Variants in NF2 observed in about 807,000 individuals in gnomAD.
NF2 encodes merlin.
In NF2, 8 loss-of-function variants were observed where a neutral mutation model predicts 83.7. The observed-to-expected ratio is 0.10, with a 90% CI of 0.06 to 0.17. The LOEUF (loss-of-function observed/expected upper bound fraction) is 0.17. Ranked by LOEUF, NF2 falls within the 10% of genes least tolerant of loss-of-function variation. The pLI, the probability that NF2 is intolerant of heterozygous loss-of-function variation, is 1.00. For synonymous variants in NF2, 266 were observed against 269.6 expected (o/e 0.99, Z 0.13); for missense variants, 533 against 744.4 (o/e 0.72, Z 3.31).
Position 29,671,951 on chromosome 22 carries a change from G to T in NF2, c.1122+3G>T. Reference sequence around the variant, plus strand: ...CAACAATGGCCAACGAAGCACTGGTGATTTCTGAGGGGCTGGGGTTCCAGG... The same window carrying T: ...CAACAATGGCCAACGAAGCACTGGTTATTTCTGAGGGGCTGGGGTTCCAGG... On this transcript the variant is annotated splice_donor_region_variant and intron_variant, in intron 11 of 15. Transcript: ENST00000338641. The T allele has an allele frequency of 6.2e-7, 1 of 1,614,192 alleles. No homozygotes were observed. The highest frequency in any genetic ancestry group is 8.5e-7 in the Non-Finnish European group (1 of 1,180,034).
intron 15 of NF2, 60 bp downstream of exon 15, chr22:29,681,661 G>C (rs1209378508): frequency 8.1e-6 from 13 of 1,603,848 alleles, no homozygotes; most frequent in African/African-American, 8.0e-5. Context: ...GAAATGTGCG[G>C]TTGGCATCTG....
chr22:29,691,291 G>T (rs1327799885), intron 15 of NF2, among the ~76,000 whole-genome samples: 1 of 152,194 alleles, frequency 6.6e-6, no homozygotes, highest in East Asian at 1.9e-4. Context: ...TTCAGGGTGG[G>T]AATGGGACTC....
chr22:29,673,538 G>A (rs1478761882), intron 12 of NF2, 52 bp downstream of exon 12: 6 of 1,557,464 alleles, frequency 3.9e-6, no homozygotes, highest in Non-Finnish European at 4.4e-6. Context: ...AAGGGCCGCA[G>A]ACCAGCCTGC....
At chr22:29,641,680 C>A (rs747680816) in intron 3 of NF2, among the ~76,000 whole-genome samples, 3 of 152,184 alleles carry the variant, frequency 2.0e-5, no homozygotes, top group East Asian at 3.8e-4. Context: ...CTGGACCTCA[C>A]GTGTACTTAA....
At chr22:29,624,829 CTTTCTTTCTTTCTT>C (rs1334854675) in intron 1 of NF2, among the ~76,000 whole-genome samples, 1 of 146,634 alleles carries the variant, frequency 6.8e-6, no homozygotes, top group African/African-American at 2.6e-5. Context: ...TTCTTTCTTT[CTTTCTTTCTTTCTT>C]TCTTTCTTTC....
At chr22:29,619,881 CA>C (rs1351223805) in intron 1 of NF2, among the ~76,000 whole-genome samples, 1 of 152,222 alleles carries the variant, frequency 6.6e-6, no homozygotes, top group East Asian at 1.9e-4. Flanking sequence ...TAGGGACTAG[CA>C]GTTACTTTGT....
At chr22:29,610,285 G>A (rs1003812415) in intron 1 of NF2, among the ~76,000 whole-genome samples, 3 of 151,950 alleles carry the variant, frequency 2.0e-5, no homozygotes, top group African/African-American at 7.3e-5. Context: ...GGTTGAGGAG[G>A]CAGTGAGCTA....
Position 29,629,625 on chromosome 22 carries a change from G to A in NF2, c.115-7126G>A, listed in dbSNP as rs148796006. Among the ~76,000 whole-genome samples, 360 of 152,298 alleles carry A rather than the reference G, an allele frequency of 2.4e-3. 2 individuals carry two copies. The highest frequency in any genetic ancestry group is 8.2e-3 in the African/African-American group (341 of 41,558). Reference sequence around the variant, plus strand: ...CATGTCCTGAGCCTGGGGTGGTGCCGTTCCTTTTGTTGCTCTATCTGTATG... The same window carrying A: ...CATGTCCTGAGCCTGGGGTGGTGCCATTCCTTTTGTTGCTCTATCTGTATG... On this transcript the variant is annotated intron_variant, in intron 1 of 15. Transcript: ENST00000338641.
At chr22:29,644,318 C>T (rs1388686326) in intron 4 of NF2, among the ~76,000 whole-genome samples, 16 of 135,924 alleles carry the variant, frequency 1.2e-4, no homozygotes, top group Middle Eastern at 0.01. Flanking sequence ...ACATCCCAGA[C>T]GATGGGCGGC....
chr22:29,680,468 C>G (rs1256468563), intron 14 of NF2, among the ~76,000 whole-genome samples: 1 of 152,238 alleles, frequency 6.6e-6, no homozygotes, highest in Non-Finnish European at 1.5e-5. Flanking sequence ...CATAGCACTT[C>G]TTACCCTTGC....
chr22:29,666,826 A>C (rs1314072441), intron 9 of NF2, among the ~76,000 whole-genome samples: 2 of 152,066 alleles, frequency 1.3e-5, no homozygotes, highest in Non-Finnish European at 2.9e-5. Context: ...AAAATACAAA[A>C]TTAGCTGGGC....
chr22:29,672,081 A>C (rs1344380789), intron 11 of NF2, 133 bp downstream of exon 11: 10 of 1,359,210 alleles, frequency 7.4e-6, no homozygotes, highest in African/African-American at 2.9e-5. Flanking sequence ...TGAAAAAATC[A>C]GTGCCTTTTC....
intron 13 of NF2, among the ~76,000 whole-genome samples, chr22:29,677,457 T>C (rs1037950803): frequency 2.8e-4 from 43 of 151,848 alleles, no homozygotes; most frequent in Non-Finnish European, 4.4e-5. Context: ...GGAAGCTAGA[T>C]TGGGGTCCTC....
At chr22:29,659,557 C>T (rs1287762261) in intron 7 of NF2, among the ~76,000 whole-genome samples, 1 of 152,108 alleles carries the variant, frequency 6.6e-6, no homozygotes, top group Non-Finnish European at 1.5e-5. Context: ...ATAGACAAAG[C>T]TACTGGCTAT....
rs146252288 is a variant in NF2, at chr22:29,628,504, CAG to C, written c.115-8243_115-8242del. Among the ~76,000 whole-genome samples the C allele has an allele frequency of 7.4e-3, 1,124 of 151,618 alleles. 12 individuals carry two copies. The highest frequency in any genetic ancestry group is 0.026 in the African/African-American group (1,078 of 41,288). On this transcript the variant is annotated intron_variant, in intron 1 of 15. Coordinates refer to ENST00000338641, the MANE Select transcript of NF2 (RefSeq NM_000268.4). ...TAATTAAATAGATTTGGCATAATAA[CAG>C]AGATGATTGGAGAACTGGGAGAAGA...
intron 1 of NF2, among the ~76,000 whole-genome samples, chr22:29,629,649 T>C (rs1424068817): frequency 1.3e-5 from 2 of 152,268 alleles, no homozygotes; most frequent in African/African-American, 4.8e-5. Context: ...TCTATCTGTA[T>C]GGGAGCTAAC....
In NF2 at chr22:29,611,588, A is replaced by C. The variant is rs181098720; in HGVS notation, c.114+7476A>C. 2.9e-4 allele frequency among the ~76,000 whole-genome samples: 44 copies of C among 152,296 alleles called. 1 individual carries two copies. Among genetic ancestry groups the C allele is most frequent in the Admixed American group, 2.9e-3 (44 of 15,294 alleles). On this transcript the variant is annotated intron_variant, in intron 1 of 15. Transcript: ENST00000338641. ...ATCCTTAAGATTAGGAAAAAGAGAG[A>C]TAAGTCTACTTTCACTACTGCTATT...
intron 2 of NF2, among the ~76,000 whole-genome samples, chr22:29,637,289 A>G (rs1175330561): frequency 6.6e-6 from 1 of 152,206 alleles, no homozygotes; most frequent in Admixed American, 6.5e-5. Context: ...CTTTTTGAGG[A>G]ACACCATAGT....
At position 29,640,965 on chromosome 22, in the gene NF2, C is replaced by A. The variant is rs111988970; in HGVS notation, c.364-1237C>A. On this transcript the variant is annotated intron_variant, in intron 3 of 15. Coordinates refer to ENST00000338641, the MANE Select transcript of NF2 (RefSeq NM_000268.4). ...CCTGACCAACATGGAGAAACCCCGTCCCTACTAAAAATACAAAATTAGCCG... is the reference window on the plus strand; with the variant it reads ...CCTGACCAACATGGAGAAACCCCGTACCTACTAAAAATACAAAATTAGCCG... 8.1e-4 allele frequency among the ~76,000 whole-genome samples: 124 copies of A among 152,204 alleles called. 3 individuals are homozygous for A. The highest frequency in any genetic ancestry group is 2.9e-3 in the African/African-American group (121 of 41,520).
Sources: gnomAD v4.1 joint callset for allele counts (sites outside exome capture counted in the v4.1 genomes callset) on GRCh38, gnomAD v4.1.1 for gene constraint, MANE v1.5 for transcripts, NCBI Gene and HGNC (gene_info 2026-07-23, HGNC 2026-07-21) for gene names.